AFDN: variants seen among roughly 807,000 people sequenced by gnomAD.
AFDN encodes the protein afadin, adherens junction formation factor.
A neutral mutation model predicts 216.6 loss-of-function variants in AFDN; 68 were observed. The observed-to-expected ratio is 0.31, with a 90% confidence interval of 0.26 to 0.38. AFDN has a LOEUF of 0.38. Ranked by LOEUF, AFDN falls within the 10% of genes least tolerant of loss-of-function variation. AFDN has a pLI of 1.00. For synonymous variants in AFDN, 868 were observed against 853.7 expected, an observed-to-expected ratio of 1.02 and a Z score of -0.29; for missense variants, 2,136 against 2,342.0, an observed-to-expected ratio of 0.91 and a Z score of 1.82.
chr6:167,963,250 G>A (rs1185689739), intron 31 of AFDN: 10 of 1,063,006 alleles, frequency 9.4e-6, no homozygotes, highest in African/African-American at 1.6e-5. Flanking sequence ...GTGTGTGGCC[G>A]ACGCCCTCTG....
At chr6:167,963,244 G>A (rs1015658662) in intron 31 of AFDN, 2 of 1,063,598 alleles carry the variant, frequency 1.9e-6, no homozygotes, top group Admixed American at 5.4e-5. Flanking sequence ...TCCTGTGTGT[G>A]TGGCCGACGC....
chr6:167,933,205 C>T (rs1048263265), intron 23 of AFDN, among the ~76,000 whole-genome samples: 6 of 152,132 alleles, frequency 3.9e-5, no homozygotes. Context: ...TTTAAAAGTA[C>T]TTAGGATATT....
intron 3 of AFDN, among the ~76,000 whole-genome samples, chr6:167,871,700 A>T (rs546814571): frequency 6.6e-6 from 1 of 152,374 alleles, no homozygotes; most frequent in South Asian, 2.1e-4. Context: ...TTTTTGCACA[A>T]ACATAATACT....
At chr6:167,875,988 C>T (rs979578022) in intron 5 of AFDN, among the ~76,000 whole-genome samples, 2 of 152,066 alleles carry the variant, frequency 1.3e-5, no homozygotes, top group African/African-American at 4.8e-5. Flanking sequence ...ATAATAATTC[C>T]TTAATACTAT....
chr6:167,899,006 A>G (rs963527801), intron 11 of AFDN, among the ~76,000 whole-genome samples: 5 of 152,114 alleles, frequency 3.3e-5, no homozygotes, highest in African/African-American at 7.2e-5. Context: ...TTTACTTTTT[A>G]AAACATCCTG....
intron 16 of AFDN, chr6:167,913,715 C>G: frequency 2.1e-6 from 1 of 482,752 alleles, no homozygotes; most frequent in Non-Finnish European, 3.7e-6. Context: ...GTTGCCTGGC[C>G]TGCACATGTG....
intron 1 of AFDN, among the ~76,000 whole-genome samples, chr6:167,862,943 A>G (rs541617606): frequency 2.0e-5 from 3 of 152,214 alleles, no homozygotes; most frequent in South Asian, 2.1e-4. Context: ...TTTATTTTGT[A>G]TTTTCTCTTG....
At chr6:167,911,531 G>A (rs1176444160) in intron 15 of AFDN, 42 bp downstream of exon 15, 1 of 1,572,744 alleles carries the variant, frequency 6.4e-7, no homozygotes, top group Non-Finnish European at 8.7e-7. Flanking sequence ...AGTGATTGTG[G>A]TTGTAATTGC....
At chr6:167,915,760 G>A (rs191972016) in intron 19 of AFDN, among the ~76,000 whole-genome samples, 15 of 152,216 alleles carry the variant, frequency 9.9e-5, no homozygotes, top group Admixed American at 9.2e-4. Flanking sequence ...TTGTTTACAT[G>A]GTTTGTTTTC....
At chr6:167,856,679 T>C (rs947562362) in intron 1 of AFDN, among the ~76,000 whole-genome samples, 1 of 152,126 alleles carries the variant, frequency 6.6e-6, no homozygotes, top group Non-Finnish European at 1.5e-5. Context: ...GCATACTGTC[T>C]CATTTAATTC....
In AFDN at chr6:167,951,541, C is replaced by G. The variant is rs756996822; in HGVS notation, c.4187C>G (p.Pro1396Arg). Residue 1396 changes from proline to arginine, a missense_variant, in exon 30 of 34, where the codon CCA becomes CGA. Coordinates refer to ENST00000683244, the MANE Select transcript of AFDN (RefSeq NM_001386888.1). This position sits in a 1 kb window ranked among gnomAD's most constrained non-coding sequence, Gnocchi z 7.1. ...GGAATGTCCATGGATTTGCCTCTCC[C>G]ACCACCCCCTTCCGCCAACCAGATA... ...FDGMSMDLPLPPPPSANQIGL... is the reference protein window; with the variant it reads ...FDGMSMDLPLRPPPSANQIGL... 1 of 1,613,922 alleles carries G rather than the reference C, an allele frequency of 6.2e-7. No homozygotes were observed. Among genetic ancestry groups the G allele is most frequent in the Admixed American group, 1.7e-5 (1 of 60,018 alleles).
chr6:167,969,091 G>A (rs1316221309), intron 32 of AFDN, 23 bp from the exon 33 acceptor site: 2 of 1,566,586 alleles, frequency 1.3e-6, no homozygotes, highest in South Asian at 1.1e-5. Flanking sequence ...ACTTTAACTT[G>A]TACTGTTTCT....
intron 1 of AFDN, among the ~76,000 whole-genome samples, chr6:167,855,665 T>G (rs1292665640): frequency 6.6e-6 from 1 of 152,130 alleles, no homozygotes; most frequent in Admixed American, 6.6e-5. Flanking sequence ...ACAACTGTGG[T>G]TGATTTTTCT....
intron 1 of AFDN, among the ~76,000 whole-genome samples, chr6:167,838,941 C>A (rs1780749123): frequency 1.3e-5 from 2 of 152,208 alleles, no homozygotes; most frequent in South Asian, 4.1e-4. Flanking sequence ...CAGGTAACTT[C>A]AATTGCTCAC....
At position 167,970,553 on chromosome 6, in the gene AFDN, G is replaced by T; in HGVS notation, c.*618G>T. ...TGTGTGATGACGCACGTCCGAGACT[G>T]TTCCATCTCATTCCTCGCAAATTTG... On this transcript the variant is annotated 3_prime_UTR_variant, in exon 34 of 34. Coordinates refer to ENST00000683244, the MANE Select transcript of AFDN (RefSeq NM_001386888.1). The T allele has an allele frequency of 4.6e-6, 1 of 215,374 alleles. No individual in the cohort carries two copies. The highest frequency in any genetic ancestry group is 9.4e-6 in the Non-Finnish European group (1 of 106,794). The allele number at this position is 215,374 out of a possible 1,614,324, so 13.3% of individuals were successfully genotyped here. A position where few individuals can be genotyped will look rare whatever the true frequency, so the allele number is the denominator to read the frequency against.
intron 13 of AFDN, among the ~76,000 whole-genome samples, chr6:167,910,827 A>G (rs1038446394): frequency 6.6e-5 from 10 of 152,180 alleles, no homozygotes; most frequent in African/African-American, 2.4e-4. Flanking sequence ...CTAGACATGA[A>G]GTGTTCATTA....
intron 9 of AFDN, among the ~76,000 whole-genome samples, chr6:167,896,113 A>T (rs1384619632): frequency 6.6e-6 from 1 of 152,034 alleles, no homozygotes; most frequent in Non-Finnish European, 1.5e-5. Flanking sequence ...GTGTATTGGG[A>T]CTAGAGGGCT....
At chr6:167,883,877 T>C (rs1786456297) in intron 6 of AFDN, among the ~76,000 whole-genome samples, 1 of 110,900 alleles carries the variant, frequency 9.0e-6, no homozygotes, top group Non-Finnish European at 2.0e-5. Context: ...GATTGACTCT[T>C]CCTTTCACAA....
chr6:167,831,323 A>G (rs1341861553), intron 1 of AFDN, among the ~76,000 whole-genome samples: 1 of 152,190 alleles, frequency 6.6e-6, no homozygotes, highest in Non-Finnish European at 1.5e-5. Flanking sequence ...ATTGCCAATG[A>G]TGTATTTTTA....
Sources: allele counts gnomAD v4.1 joint callset (sites outside exome capture counted in the v4.1 genomes callset), GRCh38; gene constraint gnomAD v4.1.1; non-coding constraint Gnocchi (gnomAD v3.1); transcripts MANE v1.5; gene names NCBI Gene and HGNC (gene_info 2026-07-23, HGNC 2026-07-21).